KIF26B: variants seen among roughly 807,000 people sequenced by gnomAD.
KIF26B encodes kinesin-like protein KIF26B.
Under a neutral mutation model 151.2 loss-of-function variants are expected in KIF26B, and 63 were observed. That is an observed-to-expected ratio of 0.42 (90% confidence interval 0.34 to 0.51). The LOEUF is 0.51. KIF26B is among the 20% of genes least tolerant of loss of function. The probability of loss-of-function intolerance (pLI) is 0.07; values close to 1 mark genes in which losing one functional copy is unlikely to be tolerated. For missense variants in KIF26B, 2,813 were observed against 2,913.6 expected (o/e 0.97, Z 0.79); for synonymous variants, 1,357 against 1,262.1 (o/e 1.08, Z -1.59).
chr1:245,628,374 G>A (rs1406376640), intron 9 of KIF26B, among the ~76,000 whole-genome samples: 3 of 152,184 alleles, frequency 2.0e-5, no homozygotes, highest in African/African-American at 7.2e-5. Flanking sequence ...CCAGCTAATC[G>A]GGAGGCTGAG....
At chr1:245,630,191 A>G (rs1240975111) in intron 9 of KIF26B, among the ~76,000 whole-genome samples, 1 of 152,258 alleles carries the variant, frequency 6.6e-6, no homozygotes, top group Non-Finnish European at 1.5e-5. Context: ...TCAAGGATCT[A>G]GAACCAGAAA....
intron 4 of KIF26B, among the ~76,000 whole-genome samples, chr1:245,504,415 T>C (rs1660688067): frequency 7.0e-6 from 1 of 142,662 alleles, no homozygotes; most frequent in Admixed American, 7.1e-5. Flanking sequence ...TCCCTTCATG[T>C]TTTCCTTTCT....
chr1:245,658,087 A>G (rs2044093402), intron 10 of KIF26B, among the ~76,000 whole-genome samples: 1 of 152,176 alleles, frequency 6.6e-6, no homozygotes, highest in African/African-American at 2.4e-5. Context: ...CCCCCAAAAC[A>G]TACTGTTTAG....
chr1:245,478,430 A>ATTTTTTTTT (rs3068344), intron 4 of KIF26B, among the ~76,000 whole-genome samples: 2 of 128,626 alleles, frequency 1.6e-5, no homozygotes, highest in Non-Finnish European at 3.2e-5. Context: ...TCTGACTCGC[A>ATTTTTTTTT]TTTTTTTTTT....
rs1390025188 is a variant in KIF26B at position 245,606,871 on chromosome 1, T to C, written c.1558-780T>C. Among the ~76,000 whole-genome samples the C allele has an allele frequency of 6.6e-6, 1 of 152,084 alleles. No homozygotes were observed. The highest frequency in any genetic ancestry group is 1.9e-4 in the East Asian group (1 of 5,178). ...TGAGGTCAGGAGTTTGAGACCAGCCTGACCAACGTGGTGAAACCCCCTCTC... is the reference window on the plus strand; with the variant it reads ...TGAGGTCAGGAGTTTGAGACCAGCCCGACCAACGTGGTGAAACCCCCTCTC... On this transcript the variant is annotated intron_variant, in intron 6 of 14. Coordinates refer to ENST00000407071, the MANE Select transcript of KIF26B (RefSeq NM_018012.4). The surrounding 1 kb of genome is among the most constrained non-coding windows in gnomAD (Gnocchi z 4.6).
chr1:245,268,469 CAAATAATAATAA>C (rs1558368560), intron 2 of KIF26B, among the ~76,000 whole-genome samples: 1 of 98,556 alleles, frequency 1.0e-5, no homozygotes, highest in Non-Finnish European at 2.0e-5. Context: ...ACTCCATCTC[CAAATAATAATAA>C]TAATAATAAT....
At chr1:245,418,409 G>T (rs1248560495) in intron 3 of KIF26B, among the ~76,000 whole-genome samples, 2 of 152,240 alleles carry the variant, frequency 1.3e-5, no homozygotes, top group African/African-American at 2.4e-5. Flanking sequence ...CCAAGTAAGA[G>T]CATGAATTTA....
intron 4 of KIF26B, among the ~76,000 whole-genome samples, chr1:245,538,068 A>C (rs1231146935): frequency 6.6e-6 from 1 of 152,184 alleles, no homozygotes; most frequent in Non-Finnish European, 1.5e-5. Flanking sequence ...GTGTCCTAGA[A>C]ACCGAGCAGA....
At chr1:245,183,774 ACCT>A (rs1668946227) in intron 2 of KIF26B, among the ~76,000 whole-genome samples, 1 of 151,928 alleles carries the variant, frequency 6.6e-6, no homozygotes, top group Non-Finnish European at 1.5e-5. Context: ...AGAAAGCTTG[ACCT>A]CCTCACCTGC....
intron 3 of KIF26B, among the ~76,000 whole-genome samples, chr1:245,413,164 G>C (rs955069813): frequency 6.6e-6 from 1 of 152,162 alleles, no homozygotes; most frequent in Admixed American, 6.5e-5. Flanking sequence ...GTGTGTTTTC[G>C]GCCACTGCTT....
intron 2 of KIF26B, among the ~76,000 whole-genome samples, chr1:245,292,424 G>A (rs901651761): frequency 1.4e-4 from 22 of 152,160 alleles, no homozygotes; most frequent in African/African-American, 3.9e-4. Flanking sequence ...CAGTGTCGCC[G>A]TGTAAGTCCT....
In KIF26B at chr1:245,541,966, C is replaced by A. The variant is rs577681855; in HGVS notation, c.1350+1016C>A. ...CACCTTTCCCAGTTTCTCCCGTGTC[C>A]TTCCATGCTCTCCCACCCTCAATCT... On this transcript the variant is annotated intron_variant, in intron 5 of 14. Transcript: ENST00000407071. Among the ~76,000 whole-genome samples, 105 of 152,272 alleles carry A rather than the reference C, an allele frequency of 6.9e-4. 1 individual carries two copies. The South Asian group carries it at 0.021, about 30-fold the overall frequency.
chr1:245,225,708 G>A (rs1025721990), intron 2 of KIF26B, among the ~76,000 whole-genome samples: 2 of 152,140 alleles, frequency 1.3e-5, no homozygotes, highest in Non-Finnish European at 2.9e-5. Context: ...CCCTTTCCTC[G>A]GTCCGTAGGG....
At chr1:245,499,245 A>ATGTG (rs112357836) in intron 4 of KIF26B, among the ~76,000 whole-genome samples, 45 of 151,368 alleles carry the variant, frequency 3.0e-4, no homozygotes, top group African/African-American at 9.0e-4. Flanking sequence ...AATAATAGTG[A>ATGTG]TGTGTGTGTG....
intron 2 of KIF26B, among the ~76,000 whole-genome samples, chr1:245,189,688 GGGA>G (rs145216995): frequency 0.018 from 2,778 of 152,322 alleles, 73 homozygotes; most frequent in African/African-American, 0.061. Context: ...CTCTGTGGCA[GGGA>G]GGAGACCTGT....
At chr1:245,369,487 G>T (rs769161974) in intron 3 of KIF26B, among the ~76,000 whole-genome samples, 1 of 152,160 alleles carries the variant, frequency 6.6e-6, no homozygotes, top group East Asian at 1.9e-4. Flanking sequence ...ATTCTTGGAC[G>T]GTCGAAATTT....
chr1:245,427,621 C>T (rs915332059), intron 4 of KIF26B, among the ~76,000 whole-genome samples: 1 of 152,106 alleles, frequency 6.6e-6, no homozygotes, highest in African/African-American at 2.4e-5. Context: ...AACAAACAAA[C>T]AAACAAAGAA....
At chr1:245,394,293 A>G (rs1054824531) in intron 3 of KIF26B, among the ~76,000 whole-genome samples, 3 of 152,292 alleles carry the variant, frequency 2.0e-5, no homozygotes, top group African/African-American at 7.2e-5. Context: ...GCATGTATTT[A>G]ATCCACTAAC....
chr1:245,368,970 A>G (rs547776186), intron 3 of KIF26B, among the ~76,000 whole-genome samples: 1 of 150,666 alleles, frequency 6.6e-6, no homozygotes, highest in East Asian at 1.9e-4. Context: ...ACCCGTCTCT[A>G]TTAAAAAAAA....
Sources: gnomAD v4.1 joint callset for allele counts (sites outside exome capture counted in the v4.1 genomes callset) on GRCh38, gnomAD v4.1.1 for gene constraint, Gnocchi (gnomAD v3.1) non-coding constraint, MANE v1.5 for transcripts, NCBI Gene and HGNC (gene_info 2026-07-23, HGNC 2026-07-21) for gene names.